Variants in TRPM3 observed in about 807,000 individuals in gnomAD.
The protein encoded by TRPM3 is long transient receptor potential channel 3.
TRPM3 carries 77 observed loss-of-function variants against 181.2 expected under a neutral mutation model. The observed-to-expected ratio is 0.42, with a 90% CI of 0.35 to 0.51. The LOEUF (loss-of-function observed/expected upper bound fraction) is 0.51. Ranked by LOEUF, TRPM3 falls within the 20% of genes least tolerant of loss-of-function variation. The pLI is 0.01. For synonymous variants in TRPM3, 745 were observed against 796.4 expected, an observed-to-expected ratio of 0.94 and a Z score of 1.09; for missense variants, 1,759 against 2,196.7, an observed-to-expected ratio of 0.80 and a Z score of 3.98.
At position 70,535,580 on chromosome 9, in the gene TRPM3, A is replaced by G; in HGVS notation, c.*373T>C. On this transcript the variant is annotated 3_prime_UTR_variant, in exon 26 of 26. Transcript: ENST00000677713. ...AGCCCTGCATCCTACAACTCTTGATAATGGTCAGAAATCAACAGATGCCTC... is the reference window on the plus strand; with the variant it reads ...AGCCCTGCATCCTACAACTCTTGATGATGGTCAGAAATCAACAGATGCCTC... 1 of 1,510,984 alleles carries G rather than the reference A, an allele frequency of 6.6e-7. No individual in the cohort carries two copies. 93.6% of individuals were successfully genotyped at this position (1,510,984 alleles called of 1,614,324 possible). A position where few individuals can be genotyped will look rare whatever the true frequency, so the allele number is the denominator to read the frequency against.
chr9:70,921,594 G>A (rs73465065), intron 1 of TRPM3, among the ~76,000 whole-genome samples: 34,256 of 152,116 alleles, frequency 0.23, 4,442 homozygotes, highest in Admixed American at 0.33. Flanking sequence ...TTAGACTCAA[G>A]TGAGTCTCTA....
At chr9:70,574,888 T>C (rs1271160568) in intron 22 of TRPM3, among the ~76,000 whole-genome samples, 1 of 152,076 alleles carries the variant, frequency 6.6e-6, no homozygotes, top group Non-Finnish European at 1.5e-5. Context: ...TTGAGACTGT[T>C]TATTTTGGCA....
At chr9:70,759,261 T>C (rs1360642513) in intron 8 of TRPM3, among the ~76,000 whole-genome samples, 1 of 152,124 alleles carries the variant, frequency 6.6e-6, no homozygotes, top group African/African-American at 2.4e-5. Flanking sequence ...ATTAGAGAAA[T>C]GCAAATCAAA....
At chr9:71,250,385 C>T (rs980213043) in intron 1 of TRPM3, among the ~76,000 whole-genome samples, 17 of 152,020 alleles carry the variant, frequency 1.1e-4, no homozygotes, top group Non-Finnish European at 2.9e-5. Flanking sequence ...CATTTATTTA[C>T]ATCTTCAAAA....
At chr9:70,604,070 T>G (rs2060557264) in intron 19 of TRPM3, among the ~76,000 whole-genome samples, 2 of 152,230 alleles carry the variant, frequency 1.3e-5, no homozygotes, top group African/African-American at 4.8e-5. Context: ...CTTCCTGGTG[T>G]CTGCTTCATT....
chr9:71,430,673 A>T (rs1469452297), intron 1 of TRPM3, among the ~76,000 whole-genome samples: 4 of 152,050 alleles, frequency 2.6e-5, no homozygotes, highest in African/African-American at 9.7e-5. Flanking sequence ...TTAGCTGGGC[A>T]TGGTGGCGTG....
chr9:70,738,358 C>A (rs2073242500), intron 8 of TRPM3, among the ~76,000 whole-genome samples: 1 of 152,076 alleles, frequency 6.6e-6, no homozygotes, highest in African/African-American at 2.4e-5. Flanking sequence ...TGTAACTAAC[C>A]TGCACATTGT....
chr9:70,675,208 C>A (rs998082082), intron 9 of TRPM3, among the ~76,000 whole-genome samples: 4 of 152,144 alleles, frequency 2.6e-5, no homozygotes, highest in African/African-American at 9.7e-5. Context: ...TCAAGTGATT[C>A]TCCTGCCTCA....
chr9:70,740,284 AACAAAACT>A (rs2073781493), intron 8 of TRPM3, among the ~76,000 whole-genome samples: 2 of 152,222 alleles, frequency 1.3e-5, no homozygotes, highest in African/African-American at 4.8e-5. Flanking sequence ...AGACTTCTAC[AACAAAACT>A]ACAAAACACC....
intron 1 of TRPM3, among the ~76,000 whole-genome samples, chr9:71,368,888 A>G (rs1481880675): frequency 6.6e-6 from 1 of 152,216 alleles, no homozygotes; most frequent in African/African-American, 2.4e-5. Context: ...ATTAAGTAGA[A>G]AGGAAATGTG....
At chr9:71,379,598 T>C (rs2092747354) in intron 1 of TRPM3, among the ~76,000 whole-genome samples, 1 of 152,034 alleles carries the variant, frequency 6.6e-6, no homozygotes, top group African/African-American at 2.4e-5. Context: ...TTAATTGATC[T>C]GGTGTGGGCT....
At chr9:71,254,467 T>C (rs993896415) in intron 1 of TRPM3, among the ~76,000 whole-genome samples, 2 of 152,144 alleles carry the variant, frequency 1.3e-5, no homozygotes, top group African/African-American at 4.8e-5. Context: ...TATTTGAACA[T>C]TGCTGAGAGA....
intron 1 of TRPM3, among the ~76,000 whole-genome samples, chr9:71,037,079 T>C (rs905081720): frequency 6.6e-6 from 1 of 152,168 alleles, no homozygotes; most frequent in Non-Finnish European, 1.5e-5. Context: ...GTAGCAAAAC[T>C]ACAAAAAGCA....
intron 1 of TRPM3, among the ~76,000 whole-genome samples, chr9:70,999,850 G>A (rs2097580580): frequency 6.6e-6 from 1 of 152,142 alleles, no homozygotes; most frequent in East Asian, 1.9e-4. Context: ...CGGCTTTCAG[G>A]AGCATCTGAA....
At chr9:70,786,966 A>G (rs10217408) in intron 6 of TRPM3, among the ~76,000 whole-genome samples, 78,350 of 151,892 alleles carry the variant, frequency 0.52, 20,587 homozygotes, top group South Asian at 0.56. Context: ...CTTAGCATGG[A>G]CCTTCTACCA....
At chr9:70,877,804 A>AACACACACACACACACACACACACACAC (rs5898169) in intron 1 of TRPM3, among the ~76,000 whole-genome samples, 1 of 146,112 alleles carries the variant, frequency 6.8e-6, no homozygotes, top group African/African-American at 2.6e-5. Context: ...AAAATCATAA[A>AACACACACACACACACACACACACACAC]ACACACACAC....
chr9:71,204,086 T>A (rs923397471), intron 1 of TRPM3, among the ~76,000 whole-genome samples: 235 of 151,346 alleles, frequency 1.6e-3, no homozygotes, highest in African/African-American at 5.4e-3. Flanking sequence ...GACTTAAACA[T>A]TAGACCTAAA....
At chr9:70,815,625 C>T (rs530030787) in intron 6 of TRPM3, among the ~76,000 whole-genome samples, 2 of 152,158 alleles carry the variant, frequency 1.3e-5, no homozygotes, top group African/African-American at 4.8e-5. Flanking sequence ...TTCCTATGAT[C>T]TTCCTGCGGA....
chr9:71,222,926 T>C, intron 1 of TRPM3, among the ~76,000 whole-genome samples: 1 of 152,058 alleles, frequency 6.6e-6, no homozygotes, highest in South Asian at 2.1e-4. Flanking sequence ...CACCATGGGA[T>C]AAAGTGCTCT....
Sources: gnomAD v4.1 joint callset for allele counts (sites outside exome capture counted in the v4.1 genomes callset) on GRCh38, gnomAD v4.1.1 for gene constraint, MANE v1.5 for transcripts, NCBI Gene and HGNC (gene_info 2026-07-23, HGNC 2026-07-21) for gene names.